PPP2CB: variants seen among roughly 807,000 people sequenced by gnomAD.
PPP2CB encodes the protein serine/threonine-protein phosphatase 2A catalytic subunit beta isoform.
Under a neutral mutation model 39.1 loss-of-function variants are expected in PPP2CB, and 18 were observed. That is an observed-to-expected ratio of 0.46 (90% confidence interval 0.32 to 0.68). The LOEUF (loss-of-function observed/expected upper bound fraction) is 0.68, where lower values mean the gene tolerates loss of function less well. Among genes scored for constraint, PPP2CB ranks in the 30% least tolerant of loss-of-function variants. PPP2CB has a pLI of 0.04. For synonymous variants in PPP2CB, 129 were observed against 133.8 expected (o/e 0.96, Z 0.25); for missense variants, 226 against 396.9 (o/e 0.57, Z 3.66).
intron 1 of PPP2CB, among the ~76,000 whole-genome samples, chr8:30,802,617 T>C (rs572662525): frequency 6.6e-6 from 1 of 152,258 alleles, no homozygotes; most frequent in Non-Finnish European, 1.5e-5. Context: ...AGTGCTGAGA[T>C]TGCAGGTCTG....
intron 1 of PPP2CB, among the ~76,000 whole-genome samples, chr8:30,808,910 A>G (rs1188475957): frequency 6.8e-6 from 1 of 146,936 alleles, no homozygotes; most frequent in Non-Finnish European, 1.5e-5. Flanking sequence ...TCTCATTAGG[A>G]CTTTACATGG....
chr8:30,786,924 C>G (rs1806352892), intron 6 of PPP2CB, among the ~76,000 whole-genome samples: 1 of 152,088 alleles, frequency 6.6e-6, no homozygotes, highest in Non-Finnish European at 1.5e-5. Flanking sequence ...TTCGGCCTCC[C>G]AAAGTGCTGG....
intron 6 of PPP2CB, among the ~76,000 whole-genome samples, chr8:30,790,310 C>T (rs941593843): frequency 2.0e-5 from 3 of 152,184 alleles, no homozygotes; most frequent in African/African-American, 7.2e-5. Context: ...ACTGTGATCC[C>T]AGAAGGGCTC....
At chr8:30,807,309 T>C (rs1407934072) in intron 1 of PPP2CB, among the ~76,000 whole-genome samples, 1 of 152,178 alleles carries the variant, frequency 6.6e-6, no homozygotes, top group Non-Finnish European at 1.5e-5. Context: ...CAGAAAGTAA[T>C]CTAAAAAAAT....
At chr8:30,808,045 C>T (rs1806753066) in intron 1 of PPP2CB, among the ~76,000 whole-genome samples, 1 of 152,154 alleles carries the variant, frequency 6.6e-6, no homozygotes, top group African/African-American at 2.4e-5. Flanking sequence ...ATTTTTGCAA[C>T]TACCTCAAAA....
intron 5 of PPP2CB, chr8:30,793,100 C>G (rs1806464555): frequency 6.6e-6 from 1 of 152,086 alleles, no homozygotes. Flanking sequence ...AGCATTGAGA[C>G]AAGCAGATTT....
rs1477686101 is a variant in PPP2CB at position 30,807,739 on chromosome 8, C to T, written c.102+4581G>A. ...CACAGAGTGTCCTGAGCAGTGCCAG[C>T]CTGGCTCTCTTGGCACACAATCTTC... On this transcript the variant is annotated intron_variant, in intron 1 of 6. Transcript: ENST00000221138. Among the ~76,000 whole-genome samples the T allele has an allele frequency of 2.0e-5, 3 of 152,194 alleles. No individual in the cohort carries two copies. The East Asian group carries it at 5.8e-4, about 29-fold the overall frequency.
chr8:30,797,463 A>AG, intron 3 of PPP2CB, 118 bp downstream of exon 3: 2 of 1,006,536 alleles, frequency 2.0e-6, no homozygotes, highest in Non-Finnish European at 1.4e-6. Context: ...GGGAAGGAGG[A>AG]GGAAAAGGCC....
In PPP2CB at chr8:30,812,760, C is replaced by A; in HGVS notation, c.-339G>T. On this transcript the variant is annotated 5_prime_UTR_variant, in exon 1 of 7. Transcript: ENST00000221138. ...CTCGCCGGACGAAGGCCGCCCGCTG[C>A]CGCTTCAGGCCCGCCTCACGCCTAC... is the stretch of plus-strand genomic sequence containing the variant. The A allele has an allele frequency of 2.1e-6, 1 of 469,230 alleles. No homozygotes were observed. The highest frequency in any genetic ancestry group is 1.6e-5 in the South Asian group (1 of 64,334). 29.1% of individuals were successfully genotyped at this position (469,230 alleles called of 1,614,324 possible).
rs1440017084 is a variant in PPP2CB, at chr8:30,812,667, G to A, written c.-246C>T. 1.4e-5 allele frequency: 5 copies of A among 355,630 alleles called. No individual in the cohort carries two copies. Among genetic ancestry groups the A allele is most frequent in the African/African-American group, 4.5e-5 (2 of 44,700 alleles). The allele number at this position is 355,630 out of a possible 1,614,324, so 22.0% of individuals were successfully genotyped here. A position where few individuals can be genotyped will look rare whatever the true frequency, so the allele number is the denominator to read the frequency against. On this transcript the variant is annotated 5_prime_UTR_variant, in exon 1 of 7. Transcript: ENST00000221138. ...CGCCCGCCCTTCCCCGCCCGGCCGC[G>A]CGCCGCGGGAGTCGGTGAAGGACGC...
At chr8:30,800,301 T>A (rs964179866) in intron 1 of PPP2CB, among the ~76,000 whole-genome samples, 9 of 152,238 alleles carry the variant, frequency 5.9e-5, no homozygotes, top group Non-Finnish European at 1.0e-4. Flanking sequence ...GATCACATAA[T>A]GTACAATTCC....
At chr8:30,798,492 CATT>C (rs1313533068) in intron 2 of PPP2CB, among the ~76,000 whole-genome samples, 2 of 152,194 alleles carry the variant, frequency 1.3e-5, no homozygotes, top group African/African-American at 4.8e-5. Flanking sequence ...TGCTGGGCAG[CATT>C]TTTGTTAACA....
intron 3 of PPP2CB, among the ~76,000 whole-genome samples, chr8:30,796,640 T>A (rs1256346668): frequency 6.6e-6 from 1 of 152,162 alleles, no homozygotes; most frequent in Non-Finnish European, 1.5e-5. Flanking sequence ...CCACCCACCT[T>A]GGCCTCCTAA....
chr8:30,789,110 C>T (rs563491516), intron 6 of PPP2CB, among the ~76,000 whole-genome samples: 11 of 148,260 alleles, frequency 7.4e-5, no homozygotes, highest in East Asian at 2.0e-4. Context: ...ATGGCGTGAT[C>T]GCCGCCGCCT....
At chr8:30,794,395 T>C in intron 3 of PPP2CB, 114 bp from the exon 4 acceptor site, 2 of 901,628 alleles carry the variant, frequency 2.2e-6, no homozygotes, top group Middle Eastern at 3.3e-4. Context: ...TTTAAACATA[T>C]TTTGTCCATC....
chr8:30,786,875 C>A (rs1009947123), intron 6 of PPP2CB, among the ~76,000 whole-genome samples: 8 of 151,834 alleles, frequency 5.3e-5, no homozygotes, highest in Admixed American at 2.0e-4. Flanking sequence ...ACCGTGTTAG[C>A]CAGGATGGTC....
intron 1 of PPP2CB, among the ~76,000 whole-genome samples, chr8:30,805,646 T>C (rs978680886): frequency 7.2e-5 from 11 of 152,138 alleles, no homozygotes; most frequent in African/African-American, 2.7e-4. Context: ...AATCCAACTA[T>C]GCTAAAAAGT....
chr8:30,812,425 G>T lies in PPP2CB; in HGVS notation c.-4C>A. 1.3e-6 allele frequency: 2 copies of T among 1,524,896 alleles called. No individual in the cohort carries two copies. The highest frequency in any genetic ancestry group is 1.2e-5 in the South Asian group (1 of 83,132). 94.5% of individuals were successfully genotyped at this position (1,524,896 alleles called of 1,614,324 possible). ...TGGTGAACGCCTTGTCGTCCATGGCGGCCCGATCCCGATGCGGATCCCGAG... is the reference window on the plus strand; with the variant it reads ...TGGTGAACGCCTTGTCGTCCATGGCTGCCCGATCCCGATGCGGATCCCGAG... On this transcript the variant is annotated 5_prime_UTR_variant, in exon 1 of 7. Transcript: ENST00000221138.
At chr8:30,794,115 ATCAG>A in intron 4 of PPP2CB, 37 bp from the exon 5 acceptor site, 1 of 1,604,000 alleles carries the variant, frequency 6.2e-7, no homozygotes, top group East Asian at 2.3e-5. Flanking sequence ...ACAAATTATT[ATCAG>A]TCATACTTTA....
Sources: gnomAD v4.1 joint callset for allele counts (sites outside exome capture counted in the v4.1 genomes callset) on GRCh38, gnomAD v4.1.1 for gene constraint, MANE v1.5 for transcripts, NCBI Gene and HGNC (gene_info 2026-07-23, HGNC 2026-07-21) for gene names.